Variants in NUP35 observed in about 807,000 individuals in gnomAD.
NUP35 encodes nucleoporin NUP35.
In NUP35, 25 loss-of-function variants were observed where a neutral mutation model predicts 41.5. The observed-to-expected ratio is 0.60, with a 90% confidence interval of 0.44 to 0.84. The LOEUF (loss-of-function observed/expected upper bound fraction) is 0.84, where lower values mean the gene tolerates loss of function less well. Ranked by LOEUF, NUP35 falls within the 40% of genes least tolerant of loss-of-function variation. The pLI is 0.00. For synonymous variants in NUP35, 149 were observed against 130.7 expected, an observed-to-expected ratio of 1.14 and a Z score of -0.96; for missense variants, 396 against 396.6, an observed-to-expected ratio of 1.00 and a Z score of 0.01.
intron 4 of NUP35, among the ~76,000 whole-genome samples, chr2:183,145,025 A>C (rs1685232144): frequency 6.6e-6 from 1 of 152,058 alleles, no homozygotes; most frequent in East Asian, 1.9e-4. Flanking sequence ...TCTTAATGGT[A>C]ATACTTGTAG....
chr2:183,125,319 A>G (rs1206388568), intron 1 of NUP35, among the ~76,000 whole-genome samples: 1 of 151,884 alleles, frequency 6.6e-6, no homozygotes, highest in Non-Finnish European at 1.5e-5. Flanking sequence ...GAATCGTCGA[A>G]AATTTTAGAA....
chr2:183,126,353 T>G (rs1227567673), intron 1 of NUP35, among the ~76,000 whole-genome samples: 1 of 152,240 alleles, frequency 6.6e-6, no homozygotes, highest in Middle Eastern at 3.2e-3. Flanking sequence ...ACATCAGAAC[T>G]TTTCTTAAGC....
intron 4 of NUP35, among the ~76,000 whole-genome samples, chr2:183,137,802 G>A (rs548179846): frequency 6.6e-6 from 1 of 151,664 alleles, no homozygotes; most frequent in East Asian, 1.9e-4. Context: ...AAAAAAAAAG[G>A]CAAAAACACA....
Position 183,158,296 on chromosome 2 carries a change from G to A in NUP35, c.623G>A (p.Gly208Glu), listed in dbSNP as rs891597134. ...TATTCTTTGCAGATGTCTAATACAG[G>A]AAATTGGATGCATATTCGTTATCAA... ...NILKHVMSNT[G>E]NWMHIRYQSK... The change falls in exon 7 of 9, where the codon GGA (glycine) becomes GAA (glutamate). Residue 208 changes from glycine to glutamate, a missense_variant. Coordinates refer to ENST00000295119, the MANE Select transcript of NUP35 (RefSeq NM_138285.5). 1 of 1,588,446 alleles carries A rather than the reference G, an allele frequency of 6.3e-7. No individual in the cohort carries two copies. The highest frequency in any genetic ancestry group is 1.2e-5 in the South Asian group (1 of 86,690).
chr2:183,130,587 G>T, intron 3 of NUP35, 42 bp downstream of exon 3: 5 of 1,589,450 alleles, frequency 3.1e-6, no homozygotes, highest in South Asian at 1.1e-5. Context: ...ACAACATCAT[G>T]GTTTTATGTG....
At chr2:183,118,408 G>C (rs1353669624) in intron 1 of NUP35, 1 of 151,884 alleles carries the variant, frequency 6.6e-6, no homozygotes, top group African/African-American at 2.4e-5. Flanking sequence ...CACAAAAAAG[G>C]GTAATTAGAA....
upstream of NUP35, chr2:183,124,344 G>A (rs905095630): frequency 2.0e-5 from 32 of 1,592,724 alleles, no homozygotes; most frequent in Non-Finnish European, 2.4e-5. Flanking sequence ...CATAGCGCAG[G>A]TCCGGAAGTT....
chr2:183,139,208 C>CTTT lies in NUP35; in HGVS notation c.397+5586_397+5588dup, dbSNP rs146370641. Among the ~76,000 whole-genome samples the CTTT allele has an allele frequency of 6.6e-5, 5 of 76,098 alleles. 1 individual carries two copies. Among genetic ancestry groups the CTTT allele is most frequent in the African/African-American group, 5.8e-5 (1 of 17,238 alleles). 49.9% of individuals were successfully genotyped at this position (76,098 alleles called of 152,430 possible). A position where few individuals can be genotyped will look rare whatever the true frequency, so the allele number is the denominator to read the frequency against. ...TAACATTATGGTTTTGCATTTCTTT[C>CTTT]TTTCTTTTTTTTTTTTTTGAGAAAA... On this transcript the variant is annotated intron_variant, in intron 4 of 8. Transcript: ENST00000295119.
chr2:183,136,799 G>T (rs1392566881), intron 4 of NUP35, among the ~76,000 whole-genome samples: 1 of 152,150 alleles, frequency 6.6e-6, no homozygotes, highest in Non-Finnish European at 1.5e-5. Context: ...AATCTTGGAG[G>T]CCTCTTTAGG....
At chr2:183,158,469 AGGATTGAAATTGGTCGTTGT>A (rs1230664265) in intron 7 of NUP35, 58 bp downstream of exon 7, 8 of 1,452,074 alleles carry the variant, frequency 5.5e-6, no homozygotes, top group African/African-American at 1.4e-5. Context: ...CACAAGACCA[AGGATTGAAATTGGTCGTTGT>A]GTCACTTGGT....
At chr2:183,131,089 C>T (rs1371596070) in intron 3 of NUP35, 1 of 408,554 alleles carries the variant, frequency 2.4e-6, no homozygotes, top group East Asian at 7.2e-5. Context: ...AACCAATCCT[C>T]CTGCCTCAAC....
chr2:183,143,814 G>T (rs1015750373), intron 4 of NUP35, among the ~76,000 whole-genome samples: 1 of 152,182 alleles, frequency 6.6e-6, no homozygotes, highest in African/African-American at 2.4e-5. Flanking sequence ...GTAGGGGTTT[G>T]CAAGGGATTA....
intron 4 of NUP35, among the ~76,000 whole-genome samples, chr2:183,150,738 A>G (rs916884125): frequency 2.6e-5 from 4 of 152,190 alleles, no homozygotes; most frequent in Admixed American, 6.5e-5. Flanking sequence ...GTTTACTGCT[A>G]TACCTTCAAT....
At chr2:183,157,301 C>A in intron 5 of NUP35, 143 bp from the exon 6 acceptor site, 2 of 674,022 alleles carry the variant, frequency 3.0e-6, no homozygotes, top group South Asian at 1.7e-5. Flanking sequence ...TAGCCCATAT[C>A]GGGGAAAACA....
chr2:183,136,624 G>T (rs57773951), intron 4 of NUP35, among the ~76,000 whole-genome samples: 1 of 152,136 alleles, frequency 6.6e-6, no homozygotes, highest in Non-Finnish European at 1.5e-5. Context: ...CCTTCTGCTG[G>T]TGGTTAGAGC....
intron 5 of NUP35, among the ~76,000 whole-genome samples, chr2:183,154,593 C>T (rs1180577684): frequency 2.0e-5 from 3 of 152,138 alleles, no homozygotes; most frequent in African/African-American, 7.2e-5. Context: ...TCCTCATCTC[C>T]ATCTGAGACC....
intron 2 of NUP35, among the ~76,000 whole-genome samples, chr2:183,130,154 C>T (rs1326828379): frequency 6.6e-6 from 1 of 152,126 alleles, no homozygotes; most frequent in South Asian, 2.1e-4. Context: ...TACTCTGAAT[C>T]CTTTTATTCA....
intron 4 of NUP35, among the ~76,000 whole-genome samples, chr2:183,140,056 T>C (rs1053492479): frequency 1.3e-5 from 2 of 152,236 alleles, no homozygotes; most frequent in African/African-American, 4.8e-5. Context: ...ACTATCCTTA[T>C]TCTAGACTAT....
At chr2:183,155,907 A>T (rs190006781) in intron 5 of NUP35, among the ~76,000 whole-genome samples, 226 of 152,292 alleles carry the variant, frequency 1.5e-3, no homozygotes, top group African/African-American at 5.2e-3. Flanking sequence ...TCGTGTTTTA[A>T]TAACCCTCTA....
Sources: allele counts gnomAD v4.1 joint callset (sites outside exome capture counted in the v4.1 genomes callset), GRCh38; gene constraint gnomAD v4.1.1; transcripts MANE v1.5; gene names NCBI Gene and HGNC (gene_info 2026-07-23, HGNC 2026-07-21).